GAD2: variants seen among roughly 807,000 people sequenced by gnomAD.
The protein encoded by GAD2 is glutamate decarboxylase 2.
Under a neutral mutation model 80.1 loss-of-function variants are expected in GAD2, and 22 were observed. The ratio of observed to expected loss-of-function variants is 0.27; its 90% CI spans 0.20 to 0.39. GAD2 has a LOEUF of 0.39. Ranked by LOEUF, GAD2 falls within the 10% of genes least tolerant of loss-of-function variation. The pLI, the probability that GAD2 is intolerant of heterozygous loss-of-function variation, is 1.00. For missense variants in GAD2, 624 were observed against 738.4 expected (o/e 0.85, Z 1.80); for synonymous variants, 274 against 256.9 (o/e 1.07, Z -0.64).
chr10:26,284,611 G>A lies in GAD2; in HGVS notation c.1237-1734G>A, dbSNP rs569105093. Among the ~76,000 whole-genome samples the A allele has an allele frequency of 7.7e-4, 97 of 125,286 alleles. 1 individual carries two copies. Among genetic ancestry groups the A allele is most frequent in the South Asian group, 1.5e-3 (6 of 3,920 alleles). 82.2% of individuals were successfully genotyped at this position (125,286 alleles called of 152,430 possible). A position where few individuals can be genotyped will look rare whatever the true frequency, so the allele number is the denominator to read the frequency against. The stretch of plus-strand genomic sequence containing the variant: ...TTGAGACGGGGTCTCTTTCTCTGTC[G>A]CCTAGGCTGAAGTGCAGTGATGTGA... On this transcript the variant is annotated intron_variant, in intron 12 of 15. Transcript: ENST00000376261.
At chr10:26,300,739 G>A in intron 15 of GAD2, 49 bp from the exon 16 acceptor site, 21 of 1,569,408 alleles carry the variant, frequency 1.3e-5, no homozygotes, top group Non-Finnish European at 1.8e-5. Flanking sequence ...TTTGACTCAG[G>A]GGAGAGTCCC....
In GAD2 at chr10:26,218,035, T is replaced by C. The variant is rs755036575; in HGVS notation, c.286+44T>C. ...GCCCCGGGGCGCCCCTGCCCCTCTC[T>C]CTGCCCCGCCCACCGCGGCCGGTGC... is the stretch of plus-strand genomic sequence containing the variant. On this transcript the variant is annotated intron_variant, in intron 3 of 15. Transcript: ENST00000376261. 2.9e-5 allele frequency: 44 copies of C among 1,538,154 alleles called. No homozygotes were observed. In the East Asian group the frequency reaches 1.0e-3, roughly 36 times the overall value.
intron 6 of GAD2, among the ~76,000 whole-genome samples, chr10:26,228,800 A>G (rs1188342083): frequency 2.6e-5 from 4 of 151,314 alleles, no homozygotes; most frequent in Non-Finnish European, 4.4e-5. Context: ...TCTCCACCCC[A>G]CCCCCACCAG....
chr10:26,234,847 TTCTTA>T (rs781356447), intron 7 of GAD2, among the ~76,000 whole-genome samples: 12 of 152,122 alleles, frequency 7.9e-5, no homozygotes, highest in Non-Finnish European at 1.5e-4. Context: ...GTAGCATCCT[TTCTTA>T]AATCCCATTT....
chr10:26,240,427 A>G (rs59219388), intron 7 of GAD2, among the ~76,000 whole-genome samples: 2,085 of 152,302 alleles, frequency 0.014, 43 homozygotes, highest in African/African-American at 0.046. Context: ...GATAAGCTGA[A>G]TCATGTAACC....
At chr10:26,294,655 C>T (rs905486439) in intron 15 of GAD2, among the ~76,000 whole-genome samples, 4 of 152,050 alleles carry the variant, frequency 2.6e-5, no homozygotes, top group Non-Finnish European at 5.9e-5. Context: ...AACCAGGATC[C>T]GTGGTGCATG....
At position 26,301,864 on chromosome 10, in the gene GAD2, G is replaced by A. The variant is rs1834332757; in HGVS notation, c.*903G>A. 1 of 152,134 alleles carries A rather than the reference G, an allele frequency of 6.6e-6. No individual in the cohort carries two copies. The highest frequency in any genetic ancestry group is 2.4e-5 in the African/African-American group (1 of 41,422). The allele number at this position is 152,134 out of a possible 1,614,324, so 9.4% of individuals were successfully genotyped here. On this transcript the variant is annotated 3_prime_UTR_variant, in exon 16 of 16. Coordinates refer to ENST00000376261, the MANE Select transcript of GAD2 (RefSeq NM_001134366.2). ...CAGGCTTCATCTCAGATTAAATTAGGGTAATTGTCTCTATTCTGCTTTCCA... is the reference window on the plus strand; with the variant it reads ...CAGGCTTCATCTCAGATTAAATTAGAGTAATTGTCTCTATTCTGCTTTCCA...
Position 26,254,661 on chromosome 10 carries a change from A to G in GAD2, c.920+8661A>G, listed in dbSNP as rs116715738. On this transcript the variant is annotated intron_variant, in intron 8 of 15. Coordinates refer to ENST00000376261, the MANE Select transcript of GAD2 (RefSeq NM_001134366.2). ...GACTTCTGACTAAAAGACATGGGAC[A>G]TCACTGAAGGGTTTTGAGCAGGGGA... Among the ~76,000 whole-genome samples, 420 of 152,368 alleles carry G rather than the reference A, an allele frequency of 2.8e-3. 3 individuals are homozygous for G. The highest frequency in any genetic ancestry group is 9.5e-3 in the African/African-American group (395 of 41,582).
At chr10:26,233,939 C>T (rs1844637386) in intron 7 of GAD2, among the ~76,000 whole-genome samples, 1 of 152,152 alleles carries the variant, frequency 6.6e-6, no homozygotes, top group Admixed American at 6.5e-5. Flanking sequence ...AGGCCCAAGA[C>T]TCCTAGAAAA....
chr10:26,247,325 T>G (rs1037697922), intron 8 of GAD2, among the ~76,000 whole-genome samples: 1 of 152,148 alleles, frequency 6.6e-6, no homozygotes, highest in Non-Finnish European at 1.5e-5. Context: ...ATCTTGGTTT[T>G]GGTGGGTTTT....
rs748182879 is a variant in GAD2, at chr10:26,300,981, G to C, written c.*20G>C. The C allele has an allele frequency of 2.5e-6, 4 of 1,598,926 alleles. 1 individual carries two copies. In the South Asian group the frequency reaches 3.3e-5, roughly 13 times the overall value. ...TTATAATAACCTTGCTCACCAAGCTGTTCCACTTCTCTAGGTAGACAATTA... is the reference window on the plus strand; with the variant it reads ...TTATAATAACCTTGCTCACCAAGCTCTTCCACTTCTCTAGGTAGACAATTA... On this transcript the variant is annotated 3_prime_UTR_variant, in exon 16 of 16. Coordinates refer to ENST00000376261, the MANE Select transcript of GAD2 (RefSeq NM_001134366.2).
rs776288071 is a variant in GAD2 at position 26,245,877 on chromosome 10, T to G, written c.841-44T>G. The stretch of plus-strand genomic sequence containing the variant: ...CAAACAGCCAGTGGAATGGATCTTG[T>G]CTGTATATGGAACTAATTGCAAATA... On this transcript the variant is annotated intron_variant, in intron 7 of 15. Transcript: ENST00000376261. 3 of 1,434,560 alleles carry G rather than the reference T, an allele frequency of 2.1e-6. No homozygotes were observed. The African/African-American group carries it at 4.2e-5, about 20-fold the overall frequency. The allele number at this position is 1,434,560 out of a possible 1,614,324, so 88.9% of individuals were successfully genotyped here.
At chr10:26,250,351 A>C (rs1349877741) in intron 8 of GAD2, among the ~76,000 whole-genome samples, 1 of 152,214 alleles carries the variant, frequency 6.6e-6, no homozygotes, top group Non-Finnish European at 1.5e-5. Flanking sequence ...GAAATACAAT[A>C]CTAAAAAGTA....
chr10:26,236,437 AT>A (rs1844673217), intron 7 of GAD2, among the ~76,000 whole-genome samples: 1 of 151,784 alleles, frequency 6.6e-6, no homozygotes, highest in Admixed American at 6.6e-5. Context: ...AGTAGCTGGA[AT>A]TACAGGCGCC....
rs761698621 is a variant in GAD2, at chr10:26,286,461, T to C, written c.1353T>C (p.Asp451=). The change falls in exon 13 of 16, where the codon GAT becomes GAC. Residue 451 remains aspartate, a synonymous_variant. Transcript: ENST00000376261. Reference sequence around the variant, plus strand: ...CCTTACAGTGCGGACGCCACGTTGATGTTTTTAAACTATGGCTGATGTGGA... The same window carrying C: ...CCTTACAGTGCGGACGCCACGTTGACGTTTTTAAACTATGGCTGATGTGGA... The part of the protein sequence containing the change: ...DKALQCGRHV[D]VFKLWLMWRA... 6.2e-7 allele frequency: 1 copy of C among 1,613,818 alleles called. No individual in the cohort carries two copies. The highest frequency in any genetic ancestry group is 8.5e-7 in the Non-Finnish European group (1 of 1,179,862).
At chr10:26,237,621 C>T (rs926808228) in intron 7 of GAD2, among the ~76,000 whole-genome samples, 1 of 152,138 alleles carries the variant, frequency 6.6e-6, no homozygotes, top group African/African-American at 2.4e-5. Context: ...CAAAGCAACA[C>T]TCAAGGATCC....
intron 3 of GAD2, 52 bp downstream of exon 3, chr10:26,218,043 G>T (rs756291048): frequency 4.6e-6 from 7 of 1,517,660 alleles, no homozygotes; most frequent in South Asian, 1.3e-5. Flanking sequence ...TCTCTGCCCC[G>T]CCCACCGCGG....
intron 8 of GAD2, among the ~76,000 whole-genome samples, chr10:26,267,457 T>C (rs550957088): frequency 3.3e-5 from 5 of 152,250 alleles, no homozygotes; most frequent in Non-Finnish European, 7.3e-5. Flanking sequence ...GGAAGATTTA[T>C]AAGGAGTGAG....
In GAD2 at chr10:26,258,684, T is replaced by C. The variant is rs184846306; in HGVS notation, c.921-10435T>C. On this transcript the variant is annotated intron_variant, in intron 8 of 15. Coordinates refer to ENST00000376261, the MANE Select transcript of GAD2 (RefSeq NM_001134366.2). ...TATTTCACAATGTCCTCAAGGTTCA[T>C]CCATGTTGTAGCATGTGTTAGAATT... 2.7e-3 allele frequency among the ~76,000 whole-genome samples: 407 copies of C among 152,340 alleles called. 1 individual carries two copies. Among genetic ancestry groups the C allele is most frequent in the African/African-American group, 9.2e-3 (383 of 41,554 alleles).
Sources: gnomAD v4.1 joint callset for allele counts (sites outside exome capture counted in the v4.1 genomes callset) on GRCh38, gnomAD v4.1.1 for gene constraint, MANE v1.5 for transcripts, NCBI Gene and HGNC (gene_info 2026-07-23, HGNC 2026-07-21) for gene names.